Variants in ABLIM2 observed in about 807,000 individuals in gnomAD.
ABLIM2 encodes the protein actin-binding LIM protein 2.
A neutral mutation model predicts 97.7 loss-of-function variants in ABLIM2; 53 were observed. The ratio of observed to expected loss-of-function variants is 0.54; its 90% CI spans 0.44 to 0.68. ABLIM2 has a LOEUF of 0.68. Ranked by LOEUF, ABLIM2 falls within the 30% of genes least tolerant of loss-of-function variation. The pLI, the probability that ABLIM2 is intolerant of heterozygous loss-of-function variation, is 0.00. For missense variants in ABLIM2, 835 were observed against 867.2 expected (o/e 0.96, Z 0.47); for synonymous variants, 361 against 345.8 (o/e 1.04, Z -0.49).
intron 6 of ABLIM2, chr4:8,066,739 G>A (rs923644086): frequency 6.6e-6 from 1 of 152,112 alleles, no homozygotes; most frequent in Non-Finnish European, 1.5e-5. Context: ...GCTGCCAGAG[G>A]CTGGGGGAGG....
At chr4:8,145,345 A>G (rs1334487457) in intron 1 of ABLIM2, among the ~76,000 whole-genome samples, 3 of 152,042 alleles carry the variant, frequency 2.0e-5, no homozygotes, top group East Asian at 3.9e-4. Context: ...CACCACGCCC[A>G]GCTAATTTTT....
chr4:7,974,222 T>C (rs1577613983), intron 20 of ABLIM2, among the ~76,000 whole-genome samples: 2 of 151,366 alleles, frequency 1.3e-5, no homozygotes, highest in South Asian at 4.2e-4. Flanking sequence ...TACCTACCCA[T>C]CCATCCACTC....
At position 7,992,157 on chromosome 4, in the gene ABLIM2, C is replaced by T. The variant is rs532059406; in HGVS notation, c.1680+709G>A. 6.1e-4 allele frequency among the ~76,000 whole-genome samples: 93 copies of T among 152,214 alleles called. No homozygotes were observed. The highest frequency in any genetic ancestry group is 2.1e-3 in the African/African-American group (86 of 41,540). ...GGATCCTCACTGGGGACCCCTGTGA[C>T]GCTGTGGGCAGAGGAACAAACATAA... On this transcript the variant is annotated intron_variant, in intron 17 of 20. Transcript: ENST00000447017. This position sits in a 1 kb window ranked among gnomAD's most constrained non-coding sequence, Gnocchi z 5.7.
At chr4:8,060,446 T>C (rs1434038110) in intron 7 of ABLIM2, among the ~76,000 whole-genome samples, 1 of 152,146 alleles carries the variant, frequency 6.6e-6, no homozygotes, top group African/African-American at 2.4e-5. Context: ...TCGTCAATGC[T>C]CTGTGGGGCT....
intron 9 of ABLIM2, among the ~76,000 whole-genome samples, chr4:8,039,717 A>C (rs903637815): frequency 2.0e-5 from 3 of 152,212 alleles, no homozygotes; most frequent in Non-Finnish European, 4.4e-5. Flanking sequence ...GCCATGTTGA[A>C]ATAAAGGTTA....
intron 14 of ABLIM2, among the ~76,000 whole-genome samples, chr4:8,013,803 G>T (rs1407030811): frequency 6.6e-6 from 1 of 152,174 alleles, no homozygotes; most frequent in Non-Finnish European, 1.5e-5. Context: ...CCAGGGAAAG[G>T]GCCGCATCTG....
chr4:8,012,465 AT>A (rs780787651), intron 14 of ABLIM2, among the ~76,000 whole-genome samples: 31 of 96,686 alleles, frequency 3.2e-4, no homozygotes, highest in Non-Finnish European at 5.6e-4. Context: ...TCATTTACCC[AT>A]TGATCCATCC....
In ABLIM2 at chr4:8,019,743, C is replaced by T. The variant is rs1772184777; in HGVS notation, c.1370-72G>A. The T allele has an allele frequency of 1.4e-6, 2 of 1,443,902 alleles. No homozygotes were observed. Among genetic ancestry groups the T allele is most frequent in the African/African-American group, 2.8e-5 (2 of 70,810 alleles). 89.4% of individuals were successfully genotyped at this position (1,443,902 alleles called of 1,614,324 possible). A position where few individuals can be genotyped will look rare whatever the true frequency, so the allele number is the denominator to read the frequency against. On this transcript the variant is annotated intron_variant, in intron 13 of 20. Coordinates refer to ENST00000447017, the MANE Select transcript of ABLIM2 (RefSeq NM_001130083.2). The surrounding 1 kb of genome is among the most constrained non-coding windows in gnomAD (Gnocchi z 4.3). ...GCAAGTTGTGATGGTTTCTGTTCTACAGCTTTTTGTAAGCAACAAGCACTC... is the reference window on the plus strand; with the variant it reads ...GCAAGTTGTGATGGTTTCTGTTCTATAGCTTTTTGTAAGCAACAAGCACTC...
intron 1 of ABLIM2, among the ~76,000 whole-genome samples, chr4:8,108,072 C>T (rs536116883): frequency 5.9e-5 from 9 of 152,342 alleles, no homozygotes; most frequent in African/African-American, 1.9e-4. Context: ...TGGTGGGCAC[C>T]GTGACCTCTG....
At chr4:8,118,611 C>T (rs1300988857) in intron 1 of ABLIM2, among the ~76,000 whole-genome samples, 4 of 152,174 alleles carry the variant, frequency 2.6e-5, no homozygotes, top group African/African-American at 9.6e-5. Context: ...AGCCCAGCCC[C>T]TAAACCAGCA....
intron 7 of ABLIM2, among the ~76,000 whole-genome samples, chr4:8,056,433 T>A (rs1486711171): frequency 6.6e-6 from 1 of 151,140 alleles, no homozygotes; most frequent in African/African-American, 2.4e-5. Flanking sequence ...CCCAAGTAAC[T>A]GGGACTACAG....
chr4:7,965,978 G>C lies in ABLIM2; in HGVS notation c.*1012C>G, dbSNP rs1722823914. On this transcript the variant is annotated 3_prime_UTR_variant, in exon 21 of 21. Transcript: ENST00000447017. ...GTACGTGGAAACCCTTGATTCCAGG[G>C]CTTTGGCCATCAGAGGAGGATGTTT... 6.6e-6 allele frequency: 1 copy of C among 152,224 alleles called. No individual in the cohort carries two copies. Among genetic ancestry groups the C allele is most frequent in the African/African-American group, 2.4e-5 (1 of 41,456 alleles). 9.4% of individuals were successfully genotyped at this position (152,224 alleles called of 1,614,324 possible).
Position 7,996,620 on chromosome 4 carries a change from G to C in ABLIM2, c.1619-3693C>G, listed in dbSNP as rs928631220. On this transcript the variant is annotated intron_variant, in intron 16 of 20. Transcript: ENST00000447017. This position sits in a 1 kb window ranked among gnomAD's most constrained non-coding sequence, Gnocchi z 4.5. ...AAGAATATGATTCTTTCCAAGAAGAGGGCTATTATGTTTTGTCCCCGGTTT... is the reference window on the plus strand; with the variant it reads ...AAGAATATGATTCTTTCCAAGAAGACGGCTATTATGTTTTGTCCCCGGTTT... Among the ~76,000 whole-genome samples, 1 of 152,210 alleles carries C rather than the reference G, an allele frequency of 6.6e-6. No individual in the cohort carries two copies. The highest frequency in any genetic ancestry group is 1.5e-5 in the Non-Finnish European group (1 of 68,036).
intron 1 of ABLIM2, among the ~76,000 whole-genome samples, chr4:8,117,347 C>T (rs1452455523): frequency 6.6e-6 from 1 of 152,134 alleles, no homozygotes; most frequent in Admixed American, 6.5e-5. Flanking sequence ...GCCCACTGCC[C>T]CTGCCCACTG....
Position 8,069,409 on chromosome 4 carries a change from C to T in ABLIM2, c.675+8219G>A, listed in dbSNP as rs13132381. 0.13 allele frequency among the ~76,000 whole-genome samples: 20,361 copies of T among 152,208 alleles called. 1,657 individuals are homozygous for T. Among genetic ancestry groups the T allele is most frequent in the East Asian group, 0.2 (1,019 of 5,168 alleles). The stretch of plus-strand genomic sequence containing the variant: ...CGTGTCCAGGCTCGGAGGGTCCCAC[C>T]ACGAAGACAGTGATGAGCACATTGC... On this transcript the variant is annotated intron_variant, in intron 6 of 20. Coordinates refer to ENST00000447017, the MANE Select transcript of ABLIM2 (RefSeq NM_001130083.2). This position sits in a 1 kb window ranked among gnomAD's most constrained non-coding sequence, Gnocchi z 4.2.
intron 4 of ABLIM2, among the ~76,000 whole-genome samples, chr4:8,084,046 G>A (rs1385900947): frequency 6.6e-6 from 1 of 152,044 alleles, no homozygotes; most frequent in East Asian, 1.9e-4. Flanking sequence ...GGGGAGTAGG[G>A]GGGAGTCTCA....
intron 20 of ABLIM2, among the ~76,000 whole-genome samples, chr4:7,969,029 G>A (rs1725397397): frequency 1.3e-5 from 2 of 152,138 alleles, no homozygotes; most frequent in Admixed American, 1.3e-4. Context: ...CTACTCGAGA[G>A]GCTGAGGCAG....
rs1347379136 is a variant in ABLIM2, at chr4:8,021,385, G to C, written c.1268-1082C>G. On this transcript the variant is annotated intron_variant, in intron 12 of 20. Coordinates refer to ENST00000447017, the MANE Select transcript of ABLIM2 (RefSeq NM_001130083.2). This position sits in a 1 kb window ranked among gnomAD's most constrained non-coding sequence, Gnocchi z 5.5. ...AGGGTATTGAATGCTTGTGATGAGA[G>C]AAGGTGTACGCTCCCTGCAGAAGAC... 6.6e-6 allele frequency among the ~76,000 whole-genome samples: 1 copy of C among 152,140 alleles called. No individual in the cohort carries two copies. Among genetic ancestry groups the C allele is most frequent in the Non-Finnish European group, 1.5e-5 (1 of 68,030 alleles).
In ABLIM2 at chr4:7,999,106, C is replaced by T. The variant is rs539175911; in HGVS notation, c.1619-6179G>A. Reference sequence around the variant, plus strand: ...TTGAGACGGAGTTTTGTTCTTGTTCCCCGGGCTGGAGTACAATGGCGTGAT... The same window carrying T: ...TTGAGACGGAGTTTTGTTCTTGTTCTCCGGGCTGGAGTACAATGGCGTGAT... On this transcript the variant is annotated intron_variant, in intron 16 of 20. Transcript: ENST00000447017. The surrounding 1 kb of genome is among the most constrained non-coding windows in gnomAD (Gnocchi z 4.4). 6.6e-6 allele frequency among the ~76,000 whole-genome samples: 1 copy of T among 152,190 alleles called. No individual in the cohort carries two copies. The highest frequency in any genetic ancestry group is 1.9e-4 in the East Asian group (1 of 5,178).
Sources: gnomAD v4.1 joint callset for allele counts (sites outside exome capture counted in the v4.1 genomes callset) on GRCh38, gnomAD v4.1.1 for gene constraint, Gnocchi (gnomAD v3.1) non-coding constraint, MANE v1.5 for transcripts, NCBI Gene and HGNC (gene_info 2026-07-23, HGNC 2026-07-21) for gene names.